Variants in PKNOX1 observed in about 807,000 individuals in gnomAD.
PKNOX1 encodes the protein PBX/knotted 1 homeobox 1.
In PKNOX1, 15 loss-of-function variants were observed where a neutral mutation model predicts 51.9. That is an observed-to-expected ratio of 0.29 (90% CI 0.19 to 0.45). PKNOX1 has a LOEUF of 0.45. Among genes scored for constraint, PKNOX1 ranks in the 20% least tolerant of loss-of-function variants. PKNOX1 has a pLI of 1.00. For missense variants in PKNOX1, 462 were observed against 547.5 expected (o/e 0.84, Z 1.56); for synonymous variants, 219 against 211.1 (o/e 1.04, Z -0.32).
intron 1 of PKNOX1, among the ~76,000 whole-genome samples, chr21:42,981,803 G>T (rs1324768798): frequency 6.6e-6 from 1 of 152,194 alleles, no homozygotes; most frequent in Non-Finnish European, 1.5e-5. Context: ...GCAGGGAGCA[G>T]GCTGACTTCA....
intron 1 of PKNOX1, among the ~76,000 whole-genome samples, chr21:42,992,848 C>T (rs1361024898): frequency 2.2e-5 from 3 of 136,388 alleles, no homozygotes; most frequent in African/African-American, 8.4e-5. Context: ...CTCACGGTAT[C>T]GGGGGCTCCC....
At position 43,033,493 on chromosome 21, in the gene PKNOX1, A is replaced by T. The variant is rs746459693; in HGVS notation, c.*3392A>T. On this transcript the variant is annotated 3_prime_UTR_variant, in exon 11 of 11. Coordinates refer to ENST00000291547, the MANE Select transcript of PKNOX1 (RefSeq NM_004571.5). ...TTTGAAATGTGAATACTGTAACAAT[A>T]TGTTTTCTTGGATTGTTGTCTTTAA... is the stretch of plus-strand genomic sequence containing the variant. 1 of 152,638 alleles carries T rather than the reference A, an allele frequency of 6.6e-6. No individual in the cohort carries two copies. The highest frequency in any genetic ancestry group is 1.5e-5 in the Non-Finnish European group (1 of 68,038). The allele number at this position is 152,638 out of a possible 1,614,324, so 9.5% of individuals were successfully genotyped here.
At chr21:42,987,404 A>AAAAATATATAT in intron 1 of PKNOX1, among the ~76,000 whole-genome samples, 1 of 41,410 alleles carries the variant, frequency 2.4e-5, no homozygotes, top group Non-Finnish European at 4.8e-5. Context: ...AAAAAAAAAA[A>AAAAATATATAT]ATATATATAT....
chr21:43,025,169 G>A (rs1013059138), intron 9 of PKNOX1, among the ~76,000 whole-genome samples: 1 of 152,190 alleles, frequency 6.6e-6, no homozygotes, highest in Admixed American at 6.5e-5. Flanking sequence ...TCATGGGTGT[G>A]AGTCACTGCA....
At chr21:43,015,533 G>A (rs1421326931) in intron 5 of PKNOX1, among the ~76,000 whole-genome samples, 1 of 152,104 alleles carries the variant, frequency 6.6e-6, no homozygotes, top group East Asian at 1.9e-4. Flanking sequence ...GGATATTGGT[G>A]TATAGTTTTG....
At chr21:42,977,123 G>A (rs952408874) in intron 1 of PKNOX1, among the ~76,000 whole-genome samples, 2 of 152,130 alleles carry the variant, frequency 1.3e-5, no homozygotes, top group African/African-American at 4.8e-5. Flanking sequence ...TCAACAGTGG[G>A]TTTAAAATAT....
intron 1 of PKNOX1, among the ~76,000 whole-genome samples, chr21:43,001,762 C>A (rs529144189): frequency 3.9e-5 from 6 of 152,128 alleles, no homozygotes; most frequent in African/African-American, 1.2e-4. Context: ...AGATCGAGAC[C>A]GTCCTGGCTA....
intron 1 of PKNOX1, among the ~76,000 whole-genome samples, chr21:42,989,915 A>G (rs1460292738): frequency 1.3e-5 from 2 of 152,114 alleles, no homozygotes; most frequent in South Asian, 2.1e-4. Flanking sequence ...CCTGGGCAAC[A>G]TGGCAAAACC....
chr21:42,992,813 C>T (rs2059094674), intron 1 of PKNOX1, among the ~76,000 whole-genome samples: 1 of 141,716 alleles, frequency 7.1e-6, no homozygotes, highest in South Asian at 2.3e-4. Context: ...CACTGGGGGG[C>T]TTCCTCACAG....
intron 1 of PKNOX1, among the ~76,000 whole-genome samples, chr21:42,975,357 C>T (rs998259231): frequency 1.3e-5 from 2 of 151,758 alleles, no homozygotes; most frequent in African/African-American, 4.8e-5. Flanking sequence ...AGCCCAGGGC[C>T]GCTCGCTGAC....
intron 1 of PKNOX1, among the ~76,000 whole-genome samples, chr21:42,997,102 A>G (rs1052423737): frequency 6.6e-6 from 1 of 152,114 alleles, no homozygotes; most frequent in Non-Finnish European, 1.5e-5. Context: ...GCTGGTTTCG[A>G]ATTCCTGACC....
intron 4 of PKNOX1, among the ~76,000 whole-genome samples, chr21:43,012,222 G>T (rs1381861065): frequency 2.0e-5 from 3 of 152,232 alleles, no homozygotes; most frequent in African/African-American, 7.2e-5. Context: ...GTTATCTATT[G>T]CTGTGGGACA....
chr21:43,024,820 A>C, intron 8 of PKNOX1, 51 bp from the exon 9 acceptor site: 2 of 1,215,964 alleles, frequency 1.6e-6, no homozygotes. Flanking sequence ...AATCGTCTTG[A>C]TTTCCTTTGT....
intron 1 of PKNOX1, among the ~76,000 whole-genome samples, chr21:43,003,437 C>T (rs749391897): frequency 5.3e-5 from 8 of 152,192 alleles, no homozygotes; most frequent in Non-Finnish European, 8.8e-5. Flanking sequence ...TATGAGCATG[C>T]CCATCTCAGT....
Position 43,021,021 on chromosome 21 carries a change from A to T in PKNOX1, c.721-282A>T, listed in dbSNP as rs1262962360. The T allele has an allele frequency of 5.0e-6, 1 of 201,326 alleles. No individual in the cohort carries two copies. The highest frequency in any genetic ancestry group is 1.3e-4 in the East Asian group (1 of 7,516). The allele number at this position is 201,326 out of a possible 1,614,324, so 12.5% of individuals were successfully genotyped here. ...CTACCCAGGAGGCTGAGCTGGAAGA[A>T]TCACTTGAGCCCAGGAGTTCAAGGC... is the stretch of plus-strand genomic sequence containing the variant. On this transcript the variant is annotated intron_variant, in intron 7 of 10. Coordinates refer to ENST00000291547, the MANE Select transcript of PKNOX1 (RefSeq NM_004571.5). The surrounding 1 kb of genome is among the most constrained non-coding windows in gnomAD (Gnocchi z 4.6).
In PKNOX1 at chr21:43,009,610, CAAAAAAAA is replaced by C. The variant is rs1202062070; in HGVS notation, c.180-430_180-423del. On this transcript the variant is annotated intron_variant, in intron 3 of 10. Coordinates refer to ENST00000291547, the MANE Select transcript of PKNOX1 (RefSeq NM_004571.5). Reference sequence around the variant, plus strand: ...TGGGCGACAGAGTGAGACTCCATCTCAAAAAAAAAAAAAAAAAAAAGGAATAAAGTACT... The same window carrying C: ...TGGGCGACAGAGTGAGACTCCATCTCAAAAAAAAAAAAGGAATAAAGTACT... Among the ~76,000 whole-genome samples, 13 of 76,154 alleles carry C rather than the reference CAAAAAAAA, an allele frequency of 1.7e-4. 1 individual carries two copies. The highest frequency in any genetic ancestry group is 8.1e-3 in the Middle Eastern group (1 of 124). 50.0% of individuals were successfully genotyped at this position (76,154 alleles called of 152,430 possible). A position where few individuals can be genotyped will look rare whatever the true frequency, so the allele number is the denominator to read the frequency against.
intron 1 of PKNOX1, among the ~76,000 whole-genome samples, chr21:43,000,961 G>A (rs1411803628): frequency 2.0e-5 from 3 of 152,208 alleles, no homozygotes; most frequent in Non-Finnish European, 4.4e-5. Context: ...CCAGGTAGGA[G>A]CCTCCTACCA....
chr21:42,975,435 T>C (rs1368123207), intron 1 of PKNOX1, among the ~76,000 whole-genome samples: 2 of 152,238 alleles, frequency 1.3e-5, no homozygotes, highest in African/African-American at 4.8e-5. Flanking sequence ...GAAGAGCCGC[T>C]TCTGTCACAC....
chr21:42,976,302 GATC>G (rs1317763011), intron 1 of PKNOX1, among the ~76,000 whole-genome samples: 1 of 152,192 alleles, frequency 6.6e-6, no homozygotes, highest in Non-Finnish European at 1.5e-5. Flanking sequence ...AAATACTAAT[GATC>G]ATCTGAGCCT....
Sources: allele counts gnomAD v4.1 joint callset (sites outside exome capture counted in the v4.1 genomes callset), GRCh38; gene constraint gnomAD v4.1.1; non-coding constraint Gnocchi (gnomAD v3.1); transcripts MANE v1.5; gene names NCBI Gene and HGNC (gene_info 2026-07-23, HGNC 2026-07-21).